The following ZNF521 variants were observed in gnomAD, a reference collection of about 807,000 sequenced individuals.
ZNF521 encodes LYST-interacting protein 3.
ZNF521 carries 14 observed loss-of-function variants against 105.5 expected under a neutral mutation model. The ratio of observed to expected loss-of-function variants is 0.13; its 90% CI spans 0.09 to 0.21. ZNF521 has a LOEUF of 0.21. Among genes scored for constraint, ZNF521 ranks in the 10% least tolerant of loss-of-function variants. The pLI, the probability that ZNF521 is intolerant of heterozygous loss-of-function variation, is 1.00. For synonymous variants in ZNF521, 635 were observed against 606.0 expected (o/e 1.05, Z -0.70); for missense variants, 1,233 against 1,629.7 (o/e 0.76, Z 4.19).
At chr18:25,315,769 T>C (rs1912571915) in intron 3 of ZNF521, 1 of 152,138 alleles carries the variant, frequency 6.6e-6, no homozygotes, top group Non-Finnish European at 1.5e-5. Context: ...AGGCAGGCTC[T>C]CCAAGGAATG....
chr18:25,155,836 G>C (rs977007803), intron 5 of ZNF521, among the ~76,000 whole-genome samples: 4 of 152,152 alleles, frequency 2.6e-5, no homozygotes, highest in Admixed American at 6.5e-5. Context: ...GTACAACATG[G>C]ATGAACCAGG....
At chr18:25,131,661 G>A (rs1044779521) in intron 5 of ZNF521, among the ~76,000 whole-genome samples, 1 of 152,112 alleles carries the variant, frequency 6.6e-6, no homozygotes, top group Admixed American at 6.6e-5. Context: ...ATCTAGCCCA[G>A]AGCCTTGTAC....
chr18:25,303,399 G>A (rs1044731821), intron 3 of ZNF521, among the ~76,000 whole-genome samples: 1 of 151,548 alleles, frequency 6.6e-6, no homozygotes, highest in East Asian at 1.9e-4. Flanking sequence ...CTGGGTTCAC[G>A]CCATTCTCCT....
chr18:25,167,964 A>G (rs1013668516), intron 5 of ZNF521, among the ~76,000 whole-genome samples: 2 of 152,214 alleles, frequency 1.3e-5, no homozygotes, highest in African/African-American at 4.8e-5. Context: ...ACTCGCATAA[A>G]AGAGGGTATG....
chr18:25,123,086 G>A (rs4519408), intron 5 of ZNF521, among the ~76,000 whole-genome samples: 142,091 of 151,702 alleles, frequency 0.94, 66,799 homozygotes, highest in Middle Eastern at 0.99. Flanking sequence ...TCTATTTGGG[G>A]TTTGGAAGAT....
intron 5 of ZNF521, among the ~76,000 whole-genome samples, chr18:25,126,137 G>A (rs2034534738): frequency 6.6e-6 from 1 of 152,062 alleles, no homozygotes; most frequent in African/African-American, 2.4e-5. Context: ...ACTACCTGGT[G>A]ACACAGACCA....
At chr18:25,289,836 G>A (rs1441045071) in intron 3 of ZNF521, among the ~76,000 whole-genome samples, 3 of 152,050 alleles carry the variant, frequency 2.0e-5, no homozygotes, top group South Asian at 2.1e-4. Flanking sequence ...ATCAACTTCC[G>A]CACACAATAA....
At position 25,225,597 on chromosome 18, in the gene ZNF521, T is replaced by C; in HGVS notation, c.2321A>G (p.Asn774Ser). 1 of 1,614,158 alleles carries C rather than the reference T, an allele frequency of 6.2e-7. No individual in the cohort carries two copies. The highest frequency in any genetic ancestry group is 2.2e-5 in the East Asian group (1 of 44,876). ...ETDLQLHVKH[N>S]HLENQGKVHK... is the part of the protein sequence containing the mutation. ...CACTTTCCCTTGGTTTTCCAGGTGG[T>C]TGTGTTTCACATGGAGCTGCAAGTC... The change falls in exon 4 of 8, where the codon AAC becomes AGC. Residue 774 changes from asparagine to serine, a missense_variant. Physicochemically the swap from Asn to Ser is conservative, Grantham distance 46. Around this residue, in one of 6 missense-constraint regions of ZNF521, gnomAD observed 614 missense variants for 751.5 expected, o/e 0.82. Coordinates refer to ENST00000361524, the MANE Select transcript of ZNF521 (RefSeq NM_015461.3). This position sits in a 1 kb window ranked among gnomAD's most constrained non-coding sequence, Gnocchi z 5.6.
chr18:25,302,894 GAA>G (rs957705867), intron 3 of ZNF521: 3 of 151,970 alleles, frequency 2.0e-5, no homozygotes, highest in Non-Finnish European at 4.4e-5. Context: ...GACATTAGAC[GAA>G]AAAAATCGTG....
intron 5 of ZNF521, among the ~76,000 whole-genome samples, chr18:25,106,378 C>T (rs918591661): frequency 6.6e-6 from 1 of 152,000 alleles, no homozygotes; most frequent in Admixed American, 6.6e-5. Flanking sequence ...CAAAAACAAA[C>T]AAACCCTCCC....
chr18:25,187,650 T>C (rs963322925), intron 5 of ZNF521, among the ~76,000 whole-genome samples: 1 of 152,022 alleles, frequency 6.6e-6, no homozygotes. Flanking sequence ...CAGTTGAGAG[T>C]GTGATGTACA....
intron 5 of ZNF521, among the ~76,000 whole-genome samples, chr18:25,167,854 A>C (rs867376755): frequency 3.9e-5 from 6 of 152,342 alleles, no homozygotes; most frequent in Middle Eastern, 3.4e-3. Context: ...ATTACTTTAA[A>C]GGTATGATTC....
At chr18:25,178,535 T>A (rs2035572950) in intron 5 of ZNF521, among the ~76,000 whole-genome samples, 1 of 152,212 alleles carries the variant, frequency 6.6e-6, no homozygotes. Context: ...TTACCCTGAA[T>A]TTATCCATTT....
At position 25,312,724 on chromosome 18, in the gene ZNF521, T is replaced by C. The variant is rs1226690305; in HGVS notation, c.220+9284A>G. 2.5e-5 allele frequency among the ~76,000 whole-genome samples: 2 copies of C among 81,450 alleles called. 1 individual carries two copies. Among genetic ancestry groups the C allele is most frequent in the Non-Finnish European group, 5.0e-5 (2 of 39,794 alleles). The allele number at this position is 81,450 out of a possible 152,430, so 53.4% of individuals were successfully genotyped here. ...TACTCGGGAGGCTGAGGCAGGAGAA[T>C]GGCGTGAACCCGGGAAGCGGAGCTT... On this transcript the variant is annotated intron_variant, in intron 3 of 7. Coordinates refer to ENST00000361524, the MANE Select transcript of ZNF521 (RefSeq NM_015461.3).
intron 5 of ZNF521, among the ~76,000 whole-genome samples, chr18:25,100,686 A>C (rs1474498286): frequency 1.3e-5 from 2 of 152,314 alleles, no homozygotes; most frequent in East Asian, 3.9e-4. Context: ...AGAATTAAAA[A>C]AAAAAAAGGT....
intron 5 of ZNF521, among the ~76,000 whole-genome samples, chr18:25,095,136 C>T (rs1284029333): frequency 1.3e-5 from 2 of 152,194 alleles, no homozygotes; most frequent in African/African-American, 4.8e-5. Context: ...CAAAACTCTC[C>T]TTTCTTTCCC....
intron 5 of ZNF521, among the ~76,000 whole-genome samples, chr18:25,127,388 A>G (rs1260600857): frequency 6.6e-6 from 1 of 152,068 alleles, no homozygotes; most frequent in African/African-American, 2.4e-5. Flanking sequence ...AGCACTTACT[A>G]TATGCCCAGC....
intron 3 of ZNF521, among the ~76,000 whole-genome samples, chr18:25,252,283 C>T (rs530685105): frequency 6.6e-6 from 1 of 152,036 alleles, no homozygotes; most frequent in East Asian, 1.9e-4. Flanking sequence ...AATAAAAAAG[C>T]CCAGTCTTTA....
intron 2 of ZNF521, among the ~76,000 whole-genome samples, chr18:25,344,230 T>C: frequency 6.7e-6 from 1 of 148,966 alleles, no homozygotes; most frequent in Non-Finnish European, 1.5e-5. Flanking sequence ...GCTGCGATTC[T>C]ACTTAGTTTT....
Sources: allele counts gnomAD v4.1 joint callset (sites outside exome capture counted in the v4.1 genomes callset), GRCh38; gene constraint gnomAD v4.1.1; regional missense constraint gnomAD v4.1.1; non-coding constraint Gnocchi (gnomAD v3.1); transcripts MANE v1.5; gene names NCBI Gene and HGNC (gene_info 2026-07-23, HGNC 2026-07-21).